The following PTPRQ variants were observed in gnomAD, a reference collection of about 807,000 sequenced individuals.
PTPRQ encodes the protein phosphatidylinositol phosphatase PTPRQ.
In PTPRQ, 199 loss-of-function variants were observed where a neutral mutation model predicts 246.0. That is an observed-to-expected ratio of 0.81 (90% CI 0.72 to 0.91). The LOEUF is 0.91. Among genes scored for constraint, PTPRQ ranks in the 40% least tolerant of loss-of-function variants. The pLI, the probability that PTPRQ is intolerant of heterozygous loss-of-function variation, is 0.00. For missense variants in PTPRQ, 2,624 were observed against 2,528.4 expected, an observed-to-expected ratio of 1.04 and a Z score of -0.81; for synonymous variants, 869 against 853.2, an observed-to-expected ratio of 1.02 and a Z score of -0.32.
At chr12:80,564,244 C>A (rs1241112787) in intron 25 of PTPRQ, among the ~76,000 whole-genome samples, 1 of 151,902 alleles carries the variant, frequency 6.6e-6, no homozygotes, top group Non-Finnish European at 1.5e-5. Flanking sequence ...TTTTTTTGGT[C>A]AGTTGGTTGG....
At chr12:80,616,079 T>TA (rs1565820667) in intron 29 of PTPRQ, 121 bp from the exon 30 acceptor site, 27 of 475,420 alleles carry the variant, frequency 5.7e-5, no homozygotes, top group African/African-American at 5.0e-4. Flanking sequence ...ATAATCAGTT[T>TA]TATATATATA....
At chr12:80,614,864 G>A (rs74748879) in intron 29 of PTPRQ, among the ~76,000 whole-genome samples, 2,376 of 150,924 alleles carry the variant, frequency 0.016, 66 homozygotes, top group African/African-American at 0.053. Flanking sequence ...GTAGTGAATG[G>A]TACATATATT....
intron 6 of PTPRQ, among the ~76,000 whole-genome samples, chr12:80,463,129 G>C (rs1276411146): frequency 1.3e-5 from 2 of 152,192 alleles, no homozygotes; most frequent in African/African-American, 4.8e-5. Context: ...AAAAAATGTA[G>C]ATGAATGTAT....
At chr12:80,534,339 G>A (rs1895927345) in intron 18 of PTPRQ, among the ~76,000 whole-genome samples, 164 bp downstream of exon 18, 1 of 151,934 alleles carries the variant, frequency 6.6e-6, no homozygotes, top group Admixed American at 6.6e-5. Flanking sequence ...TGTGATGTTG[G>A]GAAAATTAAT....
chr12:80,454,196 G>C (rs1252361829), intron 3 of PTPRQ, among the ~76,000 whole-genome samples: 1 of 147,212 alleles, frequency 6.8e-6, no homozygotes, highest in Non-Finnish European at 1.5e-5. Flanking sequence ...TAATCTCCTG[G>C]TGTGCCGTTT....
At chr12:80,499,394 T>C (rs904310673) in intron 14 of PTPRQ, among the ~76,000 whole-genome samples, 1 of 152,040 alleles carries the variant, frequency 6.6e-6, no homozygotes, top group Non-Finnish European at 1.5e-5. Context: ...TTATGTTTGC[T>C]ACTGTTAAAC....
At chr12:80,650,919 G>A (rs1272338157) in intron 37 of PTPRQ, among the ~76,000 whole-genome samples, 2 of 151,912 alleles carry the variant, frequency 1.3e-5, no homozygotes, top group African/African-American at 2.4e-5. Flanking sequence ...CTAATGCTTT[G>A]TTAAGAATTT....
chr12:80,571,402 T>C (rs569132422), intron 25 of PTPRQ, among the ~76,000 whole-genome samples: 5 of 152,350 alleles, frequency 3.3e-5, no homozygotes, highest in Non-Finnish European at 7.4e-5. Flanking sequence ...ACTCCCAAAG[T>C]ACCTGGATTA....
intron 3 of PTPRQ, among the ~76,000 whole-genome samples, chr12:80,446,481 T>C (rs1277680676): frequency 6.6e-6 from 1 of 151,862 alleles, no homozygotes; most frequent in African/African-American, 2.4e-5. Context: ...GCAGGTTTGT[T>C]ACGTGGGTAT....
chr12:80,664,588 G>T (rs1900729462), intron 39 of PTPRQ, among the ~76,000 whole-genome samples: 2 of 151,922 alleles, frequency 1.3e-5, no homozygotes, highest in Non-Finnish European at 2.9e-5. Flanking sequence ...GATATTATAG[G>T]TTTCTCTCTA....
intron 8 of PTPRQ, among the ~76,000 whole-genome samples, chr12:80,478,526 C>T (rs1011551584): frequency 9.9e-5 from 15 of 152,244 alleles, no homozygotes; most frequent in East Asian, 9.7e-4. Flanking sequence ...CAAAGCTGGA[C>T]GGAGAACGAC....
chr12:80,656,226 T>C (rs1398169351), intron 38 of PTPRQ, among the ~76,000 whole-genome samples: 1 of 152,214 alleles, frequency 6.6e-6, no homozygotes, highest in African/African-American at 2.4e-5. Flanking sequence ...TTGTGATTAC[T>C]AACAATACAA....
At chr12:80,468,627 T>A (rs1893521097) in intron 6 of PTPRQ, 83 bp from the exon 7 acceptor site, 2 of 1,268,756 alleles carry the variant, frequency 1.6e-6, no homozygotes, top group African/African-American at 1.6e-5. Context: ...CTTCTTTGCC[T>A]TTGTGTTTTA....
At chr12:80,599,383 T>A (rs1244289649) in intron 26 of PTPRQ, among the ~76,000 whole-genome samples, 1 of 151,910 alleles carries the variant, frequency 6.6e-6, no homozygotes, top group Non-Finnish European at 1.5e-5. Context: ...ACTGACTAGA[T>A]TCATTTCACA....
At position 80,652,896 on chromosome 12, in the gene PTPRQ, C is replaced by T. The variant is rs1010814378; in HGVS notation, c.6115+62C>T. The T allele has an allele frequency of 1.6e-5, 22 of 1,398,076 alleles. 1 individual carries two copies. Among genetic ancestry groups the T allele is most frequent in the Non-Finnish European group, 2.0e-5 (21 of 1,076,136 alleles). 86.6% of individuals were successfully genotyped at this position (1,398,076 alleles called of 1,614,324 possible). On this transcript the variant is annotated intron_variant, in intron 38 of 44. Coordinates refer to ENST00000644991, the MANE Select transcript of PTPRQ (RefSeq NM_001145026.2). ...TATTTTTAAATGCCTACCATCTTAA[C>T]TTTTTTGTTTCCTTAATATATTTTA...
intron 25 of PTPRQ, among the ~76,000 whole-genome samples, chr12:80,572,305 G>T (rs919570959): frequency 4.0e-5 from 6 of 151,794 alleles, no homozygotes; most frequent in Admixed American, 1.3e-4. Flanking sequence ...ATTGATTTTA[G>T]TCATTAGTTT....
chr12:80,675,726 A>G (rs925887021), intron 43 of PTPRQ, among the ~76,000 whole-genome samples: 5 of 152,198 alleles, frequency 3.3e-5, no homozygotes, highest in Non-Finnish European at 5.9e-5. Context: ...TATAAACTTC[A>G]TACATTATTC....
intron 43 of PTPRQ, among the ~76,000 whole-genome samples, chr12:80,674,944 A>G (rs1335029176): frequency 2.6e-5 from 4 of 152,100 alleles, no homozygotes; most frequent in African/African-American, 9.7e-5. Context: ...ATTTTTTGTC[A>G]TTCATTTGGG....
intron 3 of PTPRQ, among the ~76,000 whole-genome samples, chr12:80,450,115 A>G (rs1453522775): frequency 1.3e-5 from 2 of 151,884 alleles, no homozygotes; most frequent in Admixed American, 1.3e-4. Flanking sequence ...GTGGATTCCT[A>G]GGTATTTTAT....
Sources: gnomAD v4.1 joint callset for allele counts (sites outside exome capture counted in the v4.1 genomes callset) on GRCh38, gnomAD v4.1.1 for gene constraint, MANE v1.5 for transcripts, NCBI Gene and HGNC (gene_info 2026-07-23, HGNC 2026-07-21) for gene names.